The following ANAPC5 variants were observed in gnomAD, a reference collection of about 807,000 sequenced individuals.
The protein encoded by ANAPC5 is anaphase-promoting complex subunit 5.
Under a neutral mutation model 91.3 loss-of-function variants are expected in ANAPC5, and 60 were observed. The observed-to-expected ratio is 0.66, with a 90% CI of 0.53 to 0.81. ANAPC5 has a LOEUF of 0.81. ANAPC5 is among the 40% of genes least tolerant of loss of function. The probability of loss-of-function intolerance (pLI) is 0.00; values close to 1 mark genes in which losing one functional copy is unlikely to be tolerated. For synonymous variants in ANAPC5, 340 were observed against 364.1 expected (o/e 0.93, Z 0.75); for missense variants, 690 against 931.5 (o/e 0.74, Z 3.37).
At chr12:121,335,069 T>C (rs1903178405) in intron 7 of ANAPC5, 1 of 152,650 alleles carries the variant, frequency 6.6e-6, no homozygotes, top group South Asian at 2.1e-4. Context: ...TTTTAAAAAA[T>C]ACATTTTTTA....
intron 1 of ANAPC5, among the ~76,000 whole-genome samples, chr12:121,351,424 A>G (rs1555275349): frequency 6.6e-6 from 1 of 152,012 alleles, no homozygotes; most frequent in Non-Finnish European, 1.5e-5. Flanking sequence ...CTTAGCACAC[A>G]GTTAAGTATT....
At chr12:121,330,728 G>A in intron 8 of ANAPC5, 56 bp from the exon 9 acceptor site, 1 of 1,392,460 alleles carries the variant, frequency 7.2e-7, no homozygotes, top group South Asian at 1.2e-5. Flanking sequence ...TGATGTTCTA[G>A]TGAAATATCA....
chr12:121,323,768 A>G (rs1333491407), intron 11 of ANAPC5, among the ~76,000 whole-genome samples: 3 of 152,234 alleles, frequency 2.0e-5, no homozygotes, highest in Admixed American at 1.3e-4. Context: ...CAGAAATTAC[A>G]TAGAATTACA....
chr12:121,319,956 T>A, intron 12 of ANAPC5, 138 bp from the exon 13 acceptor site: 1 of 843,030 alleles, frequency 1.2e-6, no homozygotes, highest in Non-Finnish European at 1.7e-6. Flanking sequence ...ATTTAAAATT[T>A]TTTTAAAATA....
intron 15 of ANAPC5, among the ~76,000 whole-genome samples, chr12:121,311,631 G>C (rs1395277192): frequency 6.6e-6 from 1 of 152,090 alleles, no homozygotes; most frequent in African/African-American, 2.4e-5. Flanking sequence ...CCAGGAGTTT[G>C]AGACCAGCCT....
intron 15 of ANAPC5, among the ~76,000 whole-genome samples, chr12:121,314,624 CTT>C (rs543772258): frequency 2.7e-5 from 4 of 145,530 alleles, no homozygotes; most frequent in Admixed American, 6.9e-5. Context: ...AGGACATACA[CTT>C]TTTTTTTTTT....
At chr12:121,347,160 T>C (rs1903699608) in intron 2 of ANAPC5, 155 bp from the exon 3 acceptor site, 1 of 519,860 alleles carries the variant, frequency 1.9e-6, no homozygotes, top group Non-Finnish European at 3.4e-6. Context: ...TAATTCAAAA[T>C]GTTACTCCCG....
rs975449612 is a variant in ANAPC5, at chr12:121,346,035, C to A, written c.398-4G>T. 21 of 1,596,244 alleles carry A rather than the reference C, an allele frequency of 1.3e-5. No homozygotes were observed. The African/African-American group carries it at 2.3e-4, about 17-fold the overall frequency. On this transcript the variant is annotated splice_region_variant and splice_polypyrimidine_tract_variant and intron_variant, in intron 3 of 16. Coordinates refer to ENST00000261819, the MANE Select transcript of ANAPC5 (RefSeq NM_016237.5). ...ATCATGTGACGCAGAAACAAACCTA[C>A]AAAATAAGACGAGAGACAAGGGGAA...
At chr12:121,316,336 T>C (rs1902358104) in intron 15 of ANAPC5, among the ~76,000 whole-genome samples, 1 of 152,140 alleles carries the variant, frequency 6.6e-6, no homozygotes, top group African/African-American at 2.4e-5. Flanking sequence ...CCCTCATACA[T>C]TGCAGGTTGA....
At chr12:121,350,289 C>A (rs1476738164) in intron 1 of ANAPC5, among the ~76,000 whole-genome samples, 1 of 152,148 alleles carries the variant, frequency 6.6e-6, no homozygotes, top group Admixed American at 6.6e-5. Context: ...CTTTTAAGAT[C>A]CCATAATATA....
At chr12:121,311,496 T>C (rs74387348) in intron 15 of ANAPC5, among the ~76,000 whole-genome samples, 34,222 of 151,690 alleles carry the variant, frequency 0.23, 8,519 homozygotes, top group African/African-American at 0.62. Flanking sequence ...TTCCAAAGCA[T>C]ATGAAGCAAA....
rs1259624468 is a variant in ANAPC5, at chr12:121,346,338, C to T, written c.398-307G>A. Reference sequence around the variant, plus strand: ...GTGTTTACTTTTACCAACTGGCTCCCCCAACCAGAGGTAATCTCCATAAGA... The same window carrying T: ...GTGTTTACTTTTACCAACTGGCTCCTCCAACCAGAGGTAATCTCCATAAGA... On this transcript the variant is annotated intron_variant, in intron 3 of 16. Coordinates refer to ENST00000261819, the MANE Select transcript of ANAPC5 (RefSeq NM_016237.5). The T allele has an allele frequency of 1.3e-5, 3 of 233,748 alleles. No individual in the cohort carries two copies. The East Asian group carries it at 2.8e-4, about 21-fold the overall frequency. 14.5% of individuals were successfully genotyped at this position (233,748 alleles called of 1,614,324 possible). A position where few individuals can be genotyped will look rare whatever the true frequency, so the allele number is the denominator to read the frequency against.
Position 121,346,920 on chromosome 12 carries a change from C to G in ANAPC5, c.373G>C (p.Glu125Gln). 6.2e-7 allele frequency: 1 copy of G among 1,609,268 alleles called. No individual in the cohort carries two copies. Among genetic ancestry groups the G allele is most frequent in the Non-Finnish European group, 8.5e-7 (1 of 1,178,532 alleles). ...LSDSFSGTEP[E>Q]VHKTSVVGLF... Reference sequence around the variant, plus strand: ...CCTACTACACTTGTTTTGTGAACCTCTGGTTCAGTTCCAGAGAAAGAATCT... The same window carrying G: ...CCTACTACACTTGTTTTGTGAACCTGTGGTTCAGTTCCAGAGAAAGAATCT... The change falls in exon 3 of 17, where the codon GAG becomes CAG. Residue 125 changes from glutamate (E) to glutamine (Q), a missense_variant. By Grantham distance (29) the Glu-to-Gln change is conservative. This residue lies in a region of ANAPC5 where 238 missense variants were observed against 264.9 expected (regional missense o/e 0.90). Coordinates refer to ENST00000261819, the MANE Select transcript of ANAPC5 (RefSeq NM_016237.5).
chr12:121,319,610 T>C (rs1196592186), intron 13 of ANAPC5, 87 bp downstream of exon 13: 1 of 1,372,180 alleles, frequency 7.3e-7, no homozygotes, highest in Non-Finnish European at 9.8e-7. Flanking sequence ...TTTTCTAAGC[T>C]AAAATAAATT....
In ANAPC5 at chr12:121,331,438, G is replaced by C. The variant is rs369320958; in HGVS notation, c.951-10C>G. On this transcript the variant is annotated splice_polypyrimidine_tract_variant and intron_variant, in intron 7 of 16. Coordinates refer to ENST00000261819, the MANE Select transcript of ANAPC5 (RefSeq NM_016237.5). ...GAGCTCTGCCTGTTGACTAATGACA[G>C]ACTAAACATTAATATCCCATTAATA... is the stretch of plus-strand genomic sequence containing the variant. 4.9e-5 allele frequency: 79 copies of C among 1,603,280 alleles called. No individual in the cohort carries two copies. In the African/African-American group the frequency reaches 8.4e-4, roughly 17 times the overall value.
At chr12:121,314,832 T>C (rs2136757518) in intron 15 of ANAPC5, among the ~76,000 whole-genome samples, 1 of 152,266 alleles carries the variant, frequency 6.6e-6, no homozygotes, top group South Asian at 2.1e-4. Context: ...GGTTTCACCA[T>C]GTTGTCCAGG....
chr12:121,345,593 C>T (rs1903635425), intron 4 of ANAPC5, among the ~76,000 whole-genome samples: 1 of 152,040 alleles, frequency 6.6e-6, no homozygotes, highest in East Asian at 1.9e-4. Context: ...GAAAGGGAGC[C>T]AATGAATCCA....
chr12:121,350,903 G>C (rs1680992943), intron 1 of ANAPC5, among the ~76,000 whole-genome samples: 1 of 152,126 alleles, frequency 6.6e-6, no homozygotes, highest in African/African-American at 2.4e-5. Flanking sequence ...ACTGATATAG[G>C]GGAAGGTATA....
At chr12:121,328,607 C>T in intron 9 of ANAPC5, 110 bp from the exon 10 acceptor site, 2 of 1,021,288 alleles carry the variant, frequency 2.0e-6, no homozygotes, top group African/African-American at 1.6e-5. Context: ...ACAGTGACAG[C>T]ACTATTTAAA....
Sources: gnomAD v4.1 joint callset for allele counts (sites outside exome capture counted in the v4.1 genomes callset) on GRCh38, gnomAD v4.1.1 for gene constraint, gnomAD v4.1.1 regional missense constraint, MANE v1.5 for transcripts, NCBI Gene and HGNC (gene_info 2026-07-23, HGNC 2026-07-21) for gene names.